Variants in SI observed in about 807,000 individuals in gnomAD.
SI encodes the protein sucrase-isomaltase, intestinal.
Under a neutral mutation model 253.3 loss-of-function variants are expected in SI, and 235 were observed. That is an observed-to-expected ratio of 0.93 (90% CI 0.83 to 1.03). SI has a LOEUF of 1.03. SI is among the 50% of genes least tolerant of loss of function. The probability of loss-of-function intolerance (pLI) is 0.00; values close to 1 mark genes in which losing one functional copy is unlikely to be tolerated. For synonymous variants in SI, 819 were observed against 712.0 expected (o/e 1.15, Z -2.39); for missense variants, 2,442 against 2,211.1 (o/e 1.10, Z -2.09).
chr3:165,089,073 CT>C, the SI span, among the ~76,000 whole-genome samples: 1 of 76,232 alleles, frequency 1.3e-5, no homozygotes, highest in Non-Finnish European at 2.8e-5. Flanking sequence ...ACGGCCTTTT[CT>C]TTTTTCTTTT....
At chr3:165,078,733 A>G (rs190811540), upstream of SI, among the ~76,000 whole-genome samples, 12 of 151,676 alleles carry the variant, frequency 7.9e-5, no homozygotes, top group Admixed American at 2.6e-4. Flanking sequence ...AGAACATAAA[A>G]GTAGTTCTTT....
rs1711741033 is a variant in SI, at chr3:165,023,551, T to A, written c.3099+19A>T. On this transcript the variant is annotated intron_variant, in intron 26 of 47. Coordinates refer to ENST00000264382, the MANE Select transcript of SI (RefSeq NM_001041.4). ...TCACAAGATGAGTTAAGCTTTGGGG[T>A]AGTTTATATCAAGCATACCTTAAAC... is the stretch of plus-strand genomic sequence containing the variant. The A allele has an allele frequency of 6.5e-7, 1 of 1,545,574 alleles. No individual in the cohort carries two copies. Among genetic ancestry groups the A allele is most frequent in the African/African-American group, 1.4e-5 (1 of 73,360 alleles).
At chr3:165,047,122 C>A in intron 15 of SI, 110 bp from the exon 16 acceptor site, 1 of 803,864 alleles carries the variant, frequency 1.2e-6, no homozygotes, top group South Asian at 1.9e-5. Context: ...TTGGCTGTGT[C>A]CCCACCCAAA....
chr3:165,003,474 A>G (rs1010309671), intron 37 of SI, among the ~76,000 whole-genome samples: 1 of 152,160 alleles, frequency 6.6e-6, no homozygotes, highest in Non-Finnish European at 1.5e-5. Context: ...CACTCTTAAA[A>G]TAACTTAGTG....
chr3:165,001,280 T>A (rs145502558), intron 37 of SI, among the ~76,000 whole-genome samples: 1 of 151,380 alleles, frequency 6.6e-6, no homozygotes, highest in Non-Finnish European at 1.5e-5. Context: ...AAAAGAAAGT[T>A]ATTACAGAAT....
At position 165,065,374 on chromosome 3, in the gene SI, G is replaced by T. The variant is rs755590133; in HGVS notation, c.694C>A (p.Arg232Ser). 1.3e-6 allele frequency: 2 copies of T among 1,588,936 alleles called. No individual in the cohort carries two copies. The highest frequency in any genetic ancestry group is 1.7e-6 in the Non-Finnish European group (2 of 1,160,582). ...CCATAAATATAATCACTTGGAAGACGGGTTGAGATCTGTAAGTACTGGTCA... is the reference window on the plus strand; with the variant it reads ...CCATAAATATAATCACTTGGAAGACTGGTTGAGATCTGTAAGTACTGGTCA... ...YSDQYLQIST[R>S]LPSDYIYGIG... Residue 232 changes from arginine to serine, a missense_variant, in exon 7 of 48, where the codon CGT becomes AGT. Coordinates refer to ENST00000264382, the MANE Select transcript of SI (RefSeq NM_001041.4).
intron 27 of SI, among the ~76,000 whole-genome samples, chr3:165,020,423 CT>C (rs1447553796): frequency 6.6e-6 from 1 of 151,572 alleles, no homozygotes; most frequent in Non-Finnish European, 1.5e-5. Context: ...CATATTTTAA[CT>C]TTTTATATTT....
intron 37 of SI, among the ~76,000 whole-genome samples, chr3:165,001,461 T>C (rs1431745170): frequency 2.0e-5 from 3 of 151,486 alleles, no homozygotes; most frequent in Non-Finnish European, 4.4e-5. Context: ...AATTTTGAAA[T>C]TGGATAAGTA....
At position 165,046,852 on chromosome 3, in the gene SI, C is replaced by T; in HGVS notation, c.1876G>A (p.Gly626Arg). Residue 626 changes from glycine (G) to arginine (R), a missense_variant, in exon 16 of 48, where the codon GGA becomes AGA. Gly to Arg is a moderately radical substitution (Grantham distance 125). Transcript: ENST00000264382. The stretch of plus-strand genomic sequence containing the variant: ...TGAAACTGTCTTACCAAAGGTATTC[C>T]AAACAAACTGAACTCCAGCATTCCA... ...ITGMLEFSLF[G>R]IPLVGADICG... 6.2e-7 allele frequency: 1 copy of T among 1,612,514 alleles called. No homozygotes were observed. Among genetic ancestry groups the T allele is most frequent in the Non-Finnish European group, 8.5e-7 (1 of 1,179,020 alleles).
rs1713910885 is a variant in SI, at chr3:165,060,024, CA to C, written c.1023del (p.Val342LeufsTer16). The C allele has an allele frequency of 1.2e-6, 2 of 1,611,236 alleles. No individual in the cohort carries two copies. Among genetic ancestry groups the C allele is most frequent in the African/African-American group, 2.7e-5 (2 of 74,790 alleles). ...TATGCTGGCATTGCTGGTAGTCCAA[CA>C]AGCTTAAAGTAAATGAGCATGTAAT... ...PEQVVQQYQQ[L>X]VGLPAMPAYW... On this transcript the variant is annotated frameshift_variant and splice_region_variant, in exon 10 of 48. Coordinates refer to ENST00000264382, the MANE Select transcript of SI (RefSeq NM_001041.4). LOFTEE classifies it high-confidence loss of function.
rs1362286533 is a variant in SI, at chr3:165,021,386, A to T, written c.3100-3T>A. 1 of 1,608,714 alleles carries T rather than the reference A, an allele frequency of 6.2e-7. No individual in the cohort carries two copies. Among genetic ancestry groups the T allele is most frequent in the Non-Finnish European group, 8.5e-7 (1 of 1,175,954 alleles). On this transcript the variant is annotated splice_polypyrimidine_tract_variant and splice_region_variant and intron_variant, in intron 26 of 47. Coordinates refer to ENST00000264382, the MANE Select transcript of SI (RefSeq NM_001041.4). The stretch of plus-strand genomic sequence containing the variant: ...CTCTTCTTTTGGGGATCATAAATCT[A>T]TTGCAGATAAGTAGTAAAAAAGTTT...
chr3:165,028,639 C>G (rs1712052194), intron 25 of SI, among the ~76,000 whole-genome samples: 1 of 150,948 alleles, frequency 6.6e-6, no homozygotes, highest in African/African-American at 2.4e-5. Context: ...AACCCTGATA[C>G]TTAGAGCCAC....
chr3:165,062,216 A>T (rs548988516), intron 9 of SI, among the ~76,000 whole-genome samples, 155 bp downstream of exon 9: 15 of 152,006 alleles, frequency 9.9e-5, no homozygotes, highest in African/African-American at 3.4e-4. Context: ...GGGGAAAAAA[A>T]AAACACCCAG....
chr3:165,045,003 C>T (rs1713033279), intron 16 of SI, among the ~76,000 whole-genome samples: 1 of 151,984 alleles, frequency 6.6e-6, no homozygotes, highest in Non-Finnish European at 1.5e-5. Flanking sequence ...GTTGATACTT[C>T]CCTTCACTGC....
chr3:165,068,728 C>T lies in SI; in HGVS notation c.477G>A (p.Arg159=). 1 of 1,611,854 alleles carries T rather than the reference C, an allele frequency of 6.2e-7. No homozygotes were observed. Among genetic ancestry groups the T allele is most frequent in the Non-Finnish European group, 8.5e-7 (1 of 1,178,048 alleles). ...GAAACCTTAAAAACCGAACCTTGAA[C>T]CGGAAACGATTGGGTGTCTGATTTT... ...TTQNQTPNRF[R]FKITDPNNRR... Residue 159 remains arginine, a synonymous_variant, in exon 5 of 48, where the codon CGG becomes CGA. Coordinates refer to ENST00000264382, the MANE Select transcript of SI (RefSeq NM_001041.4).
At chr3:165,023,201 T>C (rs1430698241) in intron 26 of SI, among the ~76,000 whole-genome samples, 1 of 151,600 alleles carries the variant, frequency 6.6e-6, no homozygotes, top group East Asian at 1.9e-4. Context: ...TGCTTTGGTA[T>C]GTCTTATTGC....
At chr3:165,010,166 GT>G (rs1335710432) in intron 34 of SI, among the ~76,000 whole-genome samples, 4 of 148,152 alleles carry the variant, frequency 2.7e-5, no homozygotes, top group Non-Finnish European at 3.0e-5. Flanking sequence ...GATGGATTTT[GT>G]TTTTTTTTTA....
rs950879226 is a variant in SI, at chr3:165,070,406, A to G, written c.256-1211T>C. 6.0e-5 allele frequency among the ~76,000 whole-genome samples: 9 copies of G among 149,028 alleles called. No homozygotes were observed. The East Asian group carries it at 1.6e-3, about 26-fold the overall frequency. On this transcript the variant is annotated intron_variant, in intron 3 of 47. Coordinates refer to ENST00000264382, the MANE Select transcript of SI (RefSeq NM_001041.4). ...TTTGAGTATGTATTTATATATTTATACCCAAACACACATATACACATATAC... is the reference window on the plus strand; with the variant it reads ...TTTGAGTATGTATTTATATATTTATGCCCAAACACACATATACACATATAC...
chr3:164,978,966 T>A lies in SI; in HGVS notation c.*396A>T, dbSNP rs1211808383. On this transcript the variant is annotated 3_prime_UTR_variant, in exon 48 of 48. Transcript: ENST00000264382. ...ACTAAGAAGTAATTAAATCTTCAAA[T>A]AATTGTTGTTACATATCTTAAATCT... is the stretch of plus-strand genomic sequence containing the variant. 1 of 153,114 alleles carries A rather than the reference T, an allele frequency of 6.5e-6. No individual in the cohort carries two copies. The highest frequency in any genetic ancestry group is 1.5e-5 in the Non-Finnish European group (1 of 68,638). 9.5% of individuals were successfully genotyped at this position (153,114 alleles called of 1,614,324 possible).
Sources: gnomAD v4.1 joint callset for allele counts (sites outside exome capture counted in the v4.1 genomes callset) on GRCh38, gnomAD v4.1.1 for gene constraint, MANE v1.5 for transcripts, NCBI Gene and HGNC (gene_info 2026-07-23, HGNC 2026-07-21) for gene names.